VSTM4: variants seen among roughly 807,000 people sequenced by gnomAD.
The protein encoded by VSTM4 is V-set and transmembrane domain-containing protein 4.
In VSTM4, 20 loss-of-function variants were observed where a neutral mutation model predicts 36.4. The observed-to-expected ratio is 0.55, with a 90% CI of 0.39 to 0.80. VSTM4 has a LOEUF of 0.80. VSTM4 is among the 30% of genes least tolerant of loss of function. The pLI is 0.00. For synonymous variants in VSTM4, 182 were observed against 173.9 expected (o/e 1.05, Z -0.37); for missense variants, 392 against 404.5 (o/e 0.97, Z 0.26).
chr10:49,058,359 C>T (rs1430137543), intron 5 of VSTM4, among the ~76,000 whole-genome samples: 1 of 152,196 alleles, frequency 6.6e-6, no homozygotes, highest in Non-Finnish European at 1.5e-5. Context: ...GCAGAATGGA[C>T]TGCATCACAG....
intron 7 of VSTM4, among the ~76,000 whole-genome samples, chr10:49,020,214 A>G (rs2131927165): frequency 6.6e-6 from 1 of 152,366 alleles, no homozygotes; most frequent in East Asian, 1.9e-4. Context: ...GTATAAAACT[A>G]TAATTTCAAA....
At position 49,016,118 on chromosome 10, in the gene VSTM4, TTTTG is replaced by T. The variant is rs10542377; in HGVS notation, c.*3528_*3531del. The T allele has an allele frequency of 0.95, 143,718 of 151,538 alleles. 68,619 individuals carry two copies. Among genetic ancestry groups the T allele is most frequent in the Non-Finnish European group, 1 (67,848 of 67,882 alleles). 9.4% of individuals were successfully genotyped at this position (151,538 alleles called of 1,614,324 possible). A position where few individuals can be genotyped will look rare whatever the true frequency, so the allele number is the denominator to read the frequency against. ...GGCACCCTGGGTACTGATATCAGTA[TTTTG>T]TTTGTTTGTTTGTTTGTTTGTTTTG... On this transcript the variant is annotated 3_prime_UTR_variant, in exon 8 of 8. Transcript: ENST00000332853.
At chr10:49,056,783 G>A (rs764252003) in intron 5 of VSTM4, among the ~76,000 whole-genome samples, 5 of 152,212 alleles carry the variant, frequency 3.3e-5, no homozygotes, top group South Asian at 2.1e-4. Flanking sequence ...ATTCTGAGCC[G>A]TCTTTTCTGT....
At chr10:49,103,690 C>A in intron 2 of VSTM4, 1 of 1,602,618 alleles carries the variant, frequency 6.2e-7, no homozygotes, top group South Asian at 1.1e-5. Flanking sequence ...GACCAGGCAC[C>A]AGCCTTTCTT....
intron 4 of VSTM4, among the ~76,000 whole-genome samples, chr10:49,075,053 G>A (rs943860252): frequency 6.6e-6 from 1 of 152,238 alleles, no homozygotes; most frequent in Non-Finnish European, 1.5e-5. Flanking sequence ...CAACGCTCTG[G>A]ACAGCTGTGG....
chr10:49,115,357 C>A (rs568024249), intron 1 of VSTM4, 74 bp downstream of exon 1: 10 of 951,980 alleles, frequency 1.1e-5, no homozygotes, highest in Non-Finnish European at 1.3e-5. Context: ...CCACCAGGCC[C>A]GGAGCCCCGG....
Position 49,107,685 on chromosome 10 carries a change from T to G in VSTM4, c.366A>C (p.Gln122His), listed in dbSNP as rs1268322094. ...CCTGGACTCTGCAGACGTAATGCCC[T>G]TGATCGGAGGGCTGCAGTGTCAAGA... ...LSVLTLQPSD[Q>H]GHYVCRVQEI... Residue 122 changes from glutamine (Q) to histidine (H), a missense_variant, in exon 2 of 8, where the codon CAA (glutamine) becomes CAC (histidine). By Grantham distance (24) the Gln-to-His change is conservative. Transcript: ENST00000332853. 1.9e-6 allele frequency: 3 copies of G among 1,614,080 alleles called. No homozygotes were observed. Among genetic ancestry groups the G allele is most frequent in the Non-Finnish European group, 2.5e-6 (3 of 1,180,048 alleles).
intron 7 of VSTM4, among the ~76,000 whole-genome samples, chr10:49,033,451 T>A (rs1843377899): frequency 6.6e-6 from 1 of 152,180 alleles, no homozygotes; most frequent in Admixed American, 6.5e-5. Context: ...ACAAAAACAA[T>A]TTAGAAGAAT....
chr10:49,019,819 C>T (rs1843155670), intron 7 of VSTM4, 44 bp from the exon 8 acceptor site: 4 of 1,591,676 alleles, frequency 2.5e-6, no homozygotes, highest in Non-Finnish European at 2.6e-6. Flanking sequence ...TAGCTGACCA[C>T]AGGAGCTCTA....
At chr10:49,048,884 C>T (rs1238035047) in intron 5 of VSTM4, among the ~76,000 whole-genome samples, 2 of 152,232 alleles carry the variant, frequency 1.3e-5, no homozygotes, top group Admixed American at 1.3e-4. Context: ...AGCTTGTGTA[C>T]ATTGCCTAGG....
At chr10:49,097,539 A>G (rs942569474) in intron 2 of VSTM4, among the ~76,000 whole-genome samples, 2 of 152,334 alleles carry the variant, frequency 1.3e-5, no homozygotes, top group South Asian at 4.1e-4. Flanking sequence ...GGCCCTAGAC[A>G]TGAGAGAAAC....
chr10:49,047,115 T>A, intron 6 of VSTM4, 71 bp from the exon 7 acceptor site: 1 of 1,454,194 alleles, frequency 6.9e-7, no homozygotes, highest in Non-Finnish European at 9.7e-7. Context: ...ATTATGAGCA[T>A]CAGGGACATA....
At chr10:49,110,970 G>A (rs1173751261) in intron 1 of VSTM4, among the ~76,000 whole-genome samples, 1 of 152,224 alleles carries the variant, frequency 6.6e-6, no homozygotes, top group Non-Finnish European at 1.5e-5. Flanking sequence ...GGTGTGGTTA[G>A]AACTCTGATG....
At chr10:49,021,113 T>A (rs1843176540) in intron 7 of VSTM4, among the ~76,000 whole-genome samples, 1 of 151,724 alleles carries the variant, frequency 6.6e-6, no homozygotes. Flanking sequence ...AAATAAAGAA[T>A]AATTGCTTAT....
chr10:49,108,019 GA>G (rs1844822462), intron 1 of VSTM4, 24 bp from the exon 2 acceptor site: 13 of 1,528,660 alleles, frequency 8.5e-6, no homozygotes, highest in Non-Finnish European at 1.1e-5. Context: ...GGGGAGAAGA[GA>G]GGATGAGGAG....
At chr10:49,028,412 T>A (rs951648151) in intron 7 of VSTM4, among the ~76,000 whole-genome samples, 1 of 152,170 alleles carries the variant, frequency 6.6e-6, no homozygotes, top group Non-Finnish European at 1.5e-5. Context: ...CTGGGCTGAA[T>A]CTCCCACCTC....
At chr10:49,081,825 T>G (rs1199356300) in intron 3 of VSTM4, among the ~76,000 whole-genome samples, 1 of 152,182 alleles carries the variant, frequency 6.6e-6, no homozygotes, top group African/African-American at 2.4e-5. Flanking sequence ...GTTTTGTTCT[T>G]GAAGCTACAG....
intron 1 of VSTM4, among the ~76,000 whole-genome samples, chr10:49,113,505 T>C (rs1844934984): frequency 6.6e-6 from 1 of 152,230 alleles, no homozygotes; most frequent in Admixed American, 6.5e-5. Flanking sequence ...ACAAGAGGAC[T>C]GAGGTACAGA....
At chr10:49,095,380 A>C (rs1006639069) in intron 2 of VSTM4, among the ~76,000 whole-genome samples, 1 of 152,074 alleles carries the variant, frequency 6.6e-6, no homozygotes, top group South Asian at 2.1e-4. Context: ...TTCTGTGTAC[A>C]TGCACCACAT....
Sources: allele counts gnomAD v4.1 joint callset (sites outside exome capture counted in the v4.1 genomes callset), GRCh38; gene constraint gnomAD v4.1.1; transcripts MANE v1.5; gene names NCBI Gene and HGNC (gene_info 2026-07-23, HGNC 2026-07-21).